The following TOX variants were observed in gnomAD, a reference collection of about 807,000 sequenced individuals.
TOX encodes the protein thymocyte selection associated high mobility group box.
Under a neutral mutation model 53.7 loss-of-function variants are expected in TOX, and 11 were observed. The ratio of observed to expected loss-of-function variants is 0.20; its 90% confidence interval spans 0.13 to 0.34. The LOEUF (loss-of-function observed/expected upper bound fraction) is 0.34, where lower values mean the gene tolerates loss of function less well. Ranked by LOEUF, TOX falls within the 10% of genes least tolerant of loss-of-function variation. TOX has a pLI of 1.00. For synonymous variants in TOX, 225 were observed against 245.3 expected (o/e 0.92, Z 0.77); for missense variants, 570 against 664.6 (o/e 0.86, Z 1.56).
chr8:58,894,901 A>G (rs994387193), intron 3 of TOX, among the ~76,000 whole-genome samples: 1 of 146,018 alleles, frequency 6.8e-6, no homozygotes, highest in East Asian at 2.1e-4. Context: ...GTCTCAAAAA[A>G]TGAATAGGCT....
intron 3 of TOX, among the ~76,000 whole-genome samples, chr8:58,928,193 G>A (rs984524532): frequency 3.3e-5 from 5 of 152,344 alleles, no homozygotes; most frequent in South Asian, 2.1e-4. Context: ...TGATTTATGC[G>A]GGAGATGCTG....
chr8:58,995,233 AG>A (rs1255904709), intron 1 of TOX, among the ~76,000 whole-genome samples: 6 of 152,230 alleles, frequency 3.9e-5, no homozygotes, highest in Non-Finnish European at 7.3e-5. Context: ...ATCCCAATTT[AG>A]CCCCTAATGT....
At chr8:58,846,224 C>T (rs1810716957) in intron 4 of TOX, among the ~76,000 whole-genome samples, 2 of 151,334 alleles carry the variant, frequency 1.3e-5, no homozygotes, top group Admixed American at 1.3e-4. Flanking sequence ...GAATAGAATA[C>T]TTTTTTTTTA....
At chr8:58,980,355 T>C (rs1215895002) in intron 1 of TOX, among the ~76,000 whole-genome samples, 3 of 152,270 alleles carry the variant, frequency 2.0e-5, no homozygotes, top group African/African-American at 4.8e-5. Flanking sequence ...GCCTGTTCTC[T>C]CATCGCCCTG....
chr8:58,954,079 C>CA (rs1403877213), intron 2 of TOX, among the ~76,000 whole-genome samples: 21 of 152,146 alleles, frequency 1.4e-4, no homozygotes, highest in African/African-American at 5.1e-4. Flanking sequence ...TTTCCAATAC[C>CA]ATTGCATTGC....
At chr8:59,035,782 A>G (rs1814447389) in intron 1 of TOX, among the ~76,000 whole-genome samples, 1 of 152,280 alleles carries the variant, frequency 6.6e-6, no homozygotes, top group African/African-American at 2.4e-5. Context: ...CATAATAACA[A>G]TAATGATGAT....
intron 1 of TOX, among the ~76,000 whole-genome samples, chr8:59,025,862 G>A (rs12546876): frequency 0.76 from 115,763 of 152,122 alleles, 45,140 homozygotes; most frequent in Non-Finnish European, 0.86. Flanking sequence ...GACTCATCAA[G>A]GACCAGGACC....
intron 3 of TOX, among the ~76,000 whole-genome samples, chr8:58,924,708 CAG>C (rs761000048): frequency 3.9e-5 from 6 of 152,196 alleles, no homozygotes; most frequent in Non-Finnish European, 7.3e-5. Context: ...ATCCACGATT[CAG>C]AGTTATGTGC....
intron 2 of TOX, among the ~76,000 whole-genome samples, chr8:58,949,338 C>T (rs533514940): frequency 4.9e-4 from 74 of 152,254 alleles, no homozygotes; most frequent in African/African-American, 1.8e-3. Context: ...TTCATTTATT[C>T]TATCAGTTCT....
chr8:58,905,131 C>T (rs1014209982), intron 3 of TOX, among the ~76,000 whole-genome samples: 1 of 152,166 alleles, frequency 6.6e-6, no homozygotes, highest in Admixed American at 6.5e-5. Flanking sequence ...CGGGGTTTTA[C>T]CATGTTGGCG....
intron 1 of TOX, among the ~76,000 whole-genome samples, chr8:59,012,167 TA>T (rs1318377652): frequency 6.6e-6 from 1 of 152,156 alleles, no homozygotes; most frequent in Non-Finnish European, 1.5e-5. Context: ...GAATCCCACC[TA>T]AGGATTAGGA....
In TOX at chr8:58,846,919, G is replaced by A. The variant is rs142779181; in HGVS notation, c.693+4605C>T. ...TGACCTCCCAGAACATGCAAGAATG[G>A]CTGCTCTGGAACCTTGTTACAAATG... On this transcript the variant is annotated intron_variant, in intron 4 of 8. Coordinates refer to ENST00000361421, the MANE Select transcript of TOX (RefSeq NM_014729.3). Among the ~76,000 whole-genome samples the A allele has an allele frequency of 6.1e-3, 923 of 152,204 alleles. 3 individuals are homozygous for A. The highest frequency in any genetic ancestry group is 0.011 in the Non-Finnish European group (735 of 67,976).
At chr8:58,975,894 A>T (rs575605977) in intron 1 of TOX, among the ~76,000 whole-genome samples, 32 of 152,260 alleles carry the variant, frequency 2.1e-4, no homozygotes, top group African/African-American at 6.7e-4. Flanking sequence ...CAACATGGTG[A>T]AACCCCGTCT....
intron 1 of TOX, among the ~76,000 whole-genome samples, chr8:58,971,618 A>C (rs1410962366): frequency 1.3e-5 from 2 of 152,222 alleles, no homozygotes; most frequent in African/African-American, 4.8e-5. Flanking sequence ...AGTGGAAAGA[A>C]TCAGATTCGG....
At chr8:58,880,542 G>C (rs1811366471) in intron 3 of TOX, among the ~76,000 whole-genome samples, 1 of 152,076 alleles carries the variant, frequency 6.6e-6, no homozygotes, top group African/African-American at 2.4e-5. Flanking sequence ...TATCCTCTTA[G>C]GGGATACTGG....
chr8:58,871,441 A>G (rs1811195759), intron 3 of TOX, among the ~76,000 whole-genome samples: 1 of 152,176 alleles, frequency 6.6e-6, no homozygotes, highest in African/African-American at 2.4e-5. Flanking sequence ...GAATCTCAGG[A>G]TGAAAAGTAT....
chr8:58,870,494 A>G (rs1338281628), intron 3 of TOX, among the ~76,000 whole-genome samples: 1 of 152,174 alleles, frequency 6.6e-6, no homozygotes, highest in Non-Finnish European at 1.5e-5. Flanking sequence ...TGCAATCTCA[A>G]TGGAACATCA....
At chr8:58,823,323 A>G (rs1810312493) in intron 6 of TOX, among the ~76,000 whole-genome samples, 1 of 152,144 alleles carries the variant, frequency 6.6e-6, no homozygotes, top group East Asian at 1.9e-4. Context: ...TCACGGGTTC[A>G]AGTGATTCTC....
intron 3 of TOX, among the ~76,000 whole-genome samples, chr8:58,924,218 A>G (rs887207318): frequency 2.0e-5 from 3 of 152,238 alleles, no homozygotes; most frequent in African/African-American, 7.2e-5. Flanking sequence ...ATGCATTTTT[A>G]GTATTCAGGT....
Sources: allele counts gnomAD v4.1 joint callset (sites outside exome capture counted in the v4.1 genomes callset), GRCh38; gene constraint gnomAD v4.1.1; transcripts MANE v1.5; gene names NCBI Gene and HGNC (gene_info 2026-07-23, HGNC 2026-07-21).